Variants in ROS1 observed in about 807,000 individuals in gnomAD.
ROS1 encodes proto-oncogene tyrosine-protein kinase ROS.
Under a neutral mutation model 273.5 loss-of-function variants are expected in ROS1, and 263 were observed. That is an observed-to-expected ratio of 0.96 (90% CI 0.87 to 1.06). The LOEUF (loss-of-function observed/expected upper bound fraction) is 1.06, where lower values mean the gene tolerates loss of function less well. Among genes scored for constraint, ROS1 ranks in the 50% least tolerant of loss-of-function variants. The pLI is 0.00. For missense variants in ROS1, 2,833 were observed against 2,751.1 expected, an observed-to-expected ratio of 1.03 and a Z score of -0.67; for synonymous variants, 1,008 against 954.1, an observed-to-expected ratio of 1.06 and a Z score of -1.04.
chr6:117,375,335 AC>A (rs1781232051), intron 18 of ROS1, among the ~76,000 whole-genome samples: 1 of 152,238 alleles, frequency 6.6e-6, no homozygotes, highest in Non-Finnish European at 1.5e-5. Flanking sequence ...CACACTGGGT[AC>A]AGTGTACACC....
At chr6:117,374,968 G>T (rs1781189270) in intron 18 of ROS1, among the ~76,000 whole-genome samples, 1 of 152,178 alleles carries the variant, frequency 6.6e-6, no homozygotes, top group African/African-American at 2.4e-5. Context: ...CCAAGGAAAA[G>T]AAGTCATTAT....
At chr6:117,391,787 A>G (rs995746843) in intron 12 of ROS1, among the ~76,000 whole-genome samples, 14 of 152,326 alleles carry the variant, frequency 9.2e-5, no homozygotes, top group African/African-American at 3.4e-4. Flanking sequence ...AAACAGCTGT[A>G]TAATCTTAGA....
chr6:117,389,387 A>C lies in ROS1; in HGVS notation c.1749T>G (p.Leu583=). 1 of 1,614,166 alleles carries C rather than the reference A, an allele frequency of 6.2e-7. No individual in the cohort carries two copies. Among genetic ancestry groups the C allele is most frequent in the Middle Eastern group, 1.6e-4 (1 of 6,062 alleles). ...CAAGGGCAGGAGGCTTCCATTGAAC[A>C]AGAGCCTGGTGAGAGCCAAACAGCA... ...LSVLFGSHQA[L]VQWKPPALAI... The change falls in exon 13 of 44, where the codon CTT becomes CTG. Residue 583 remains leucine (L), a synonymous_variant. Coordinates refer to ENST00000368507, the MANE Select transcript of ROS1 (RefSeq NM_001378902.1).
chr6:117,332,288 GA>G (rs1412733004), intron 32 of ROS1, among the ~76,000 whole-genome samples: 4 of 151,962 alleles, frequency 2.6e-5, no homozygotes, highest in African/African-American at 9.7e-5. Context: ...TCAACAAGAA[GA>G]GTTAACTATT....
At chr6:117,423,909 T>C (rs1483944632) in intron 1 of ROS1, among the ~76,000 whole-genome samples, 1 of 152,180 alleles carries the variant, frequency 6.6e-6, no homozygotes, top group East Asian at 1.9e-4. Flanking sequence ...TGTGGGAACA[T>C]GTAGTACTTT....
At chr6:117,410,999 G>A (rs894472396) in intron 4 of ROS1, among the ~76,000 whole-genome samples, 1 of 152,078 alleles carries the variant, frequency 6.6e-6, no homozygotes, top group Non-Finnish European at 1.5e-5. Context: ...TATAACATGA[G>A]GGGTTTTTTT....
chr6:117,401,208 G>T (rs1239555944), intron 7 of ROS1, among the ~76,000 whole-genome samples: 1 of 152,104 alleles, frequency 6.6e-6, no homozygotes, highest in African/African-American at 2.4e-5. Context: ...AATCAAGCCT[G>T]ACTTGCTTGG....
intron 32 of ROS1, among the ~76,000 whole-genome samples, chr6:117,336,068 T>G (rs1231462401): frequency 6.6e-6 from 1 of 152,156 alleles, no homozygotes; most frequent in Non-Finnish European, 1.5e-5. Context: ...GGTGATAAGA[T>G]TAACAATATA....
chr6:117,406,440 G>A (rs1290327767), intron 5 of ROS1, among the ~76,000 whole-genome samples: 1 of 152,088 alleles, frequency 6.6e-6, no homozygotes, highest in African/African-American at 2.4e-5. Context: ...TGGTCTTTAA[G>A]TACAAATGTC....
Position 117,388,109 on chromosome 6 carries a change from A to G in ROS1, c.1787-117T>C. 2.8e-6 allele frequency: 4 copies of G among 1,451,240 alleles called. No individual in the cohort carries two copies. The South Asian group carries it at 5.1e-5, about 19-fold the overall frequency. 89.9% of individuals were successfully genotyped at this position (1,451,240 alleles called of 1,614,324 possible). ...TCAAATGGGAGAGCAATTGGGCAGT[A>G]ATATCCGCTACCCCGATAATCACCA... is the stretch of plus-strand genomic sequence containing the variant. On this transcript the variant is annotated intron_variant, in intron 13 of 43. Coordinates refer to ENST00000368507, the MANE Select transcript of ROS1 (RefSeq NM_001378902.1).
chr6:117,342,242 T>A (rs1562291831), intron 29 of ROS1, among the ~76,000 whole-genome samples, 158 bp downstream of exon 29: 1 of 152,124 alleles, frequency 6.6e-6, no homozygotes, highest in Non-Finnish European at 1.5e-5. Flanking sequence ...AGAGTAAGGG[T>A]CAGGTCAAAG....
At chr6:117,381,364 G>A (rs1331538742) in intron 17 of ROS1, among the ~76,000 whole-genome samples, 1 of 151,630 alleles carries the variant, frequency 6.6e-6, no homozygotes, top group African/African-American at 2.4e-5. Flanking sequence ...CAATATGTAG[G>A]GTTTTTTTTA....
chr6:117,311,890 C>G (rs1775577071), intron 39 of ROS1, among the ~76,000 whole-genome samples: 1 of 152,080 alleles, frequency 6.6e-6, no homozygotes. Context: ...TTCCATTGTC[C>G]TGCAATTACC....
At chr6:117,303,903 T>C (rs1001016806) in intron 42 of ROS1, among the ~76,000 whole-genome samples, 10 of 152,110 alleles carry the variant, frequency 6.6e-5, no homozygotes, top group Non-Finnish European at 1.5e-4. Context: ...CTAGTATCCA[T>C]TTGGGGAATT....
intron 28 of ROS1, 38 bp downstream of exon 28, chr6:117,344,019 ACAT>A (rs751820254): frequency 2.7e-6 from 4 of 1,507,510 alleles, no homozygotes; most frequent in Non-Finnish European, 3.7e-6. Flanking sequence ...TCAAAAAAGA[ACAT>A]CTTGTGAAAA....
intron 7 of ROS1, 41 bp from the exon 8 acceptor site, chr6:117,397,157 C>A (rs1582844421): frequency 7.8e-7 from 1 of 1,285,528 alleles, no homozygotes; most frequent in Non-Finnish European, 1.1e-6. Context: ...GAAAAATGTG[C>A]AAGCATGATG....
intron 4 of ROS1, among the ~76,000 whole-genome samples, chr6:117,412,414 C>T (rs1054081654): frequency 6.6e-6 from 1 of 152,148 alleles, no homozygotes; most frequent in Non-Finnish European, 1.5e-5. Context: ...CAAGCCATCT[C>T]ACTAGCCATC....
intron 4 of ROS1, among the ~76,000 whole-genome samples, chr6:117,410,466 A>G (rs973786950): frequency 2.0e-5 from 3 of 152,194 alleles, no homozygotes; most frequent in African/African-American, 7.2e-5. Flanking sequence ...AAATCTATGA[A>G]AACTTAATGA....
At chr6:117,373,470 G>C (rs1781043343) in intron 18 of ROS1, among the ~76,000 whole-genome samples, 1 of 152,244 alleles carries the variant, frequency 6.6e-6, no homozygotes, top group Non-Finnish European at 1.5e-5. Context: ...CGAGCATGGC[G>C]CGGGCAGGCC....
Sources: gnomAD v4.1 joint callset for allele counts (sites outside exome capture counted in the v4.1 genomes callset) on GRCh38, gnomAD v4.1.1 for gene constraint, MANE v1.5 for transcripts, NCBI Gene and HGNC (gene_info 2026-07-23, HGNC 2026-07-21) for gene names.